RAD51B: variants seen among roughly 807,000 people sequenced by gnomAD.
The protein encoded by RAD51B is RAD51 paralog B, also known as DNA repair protein RAD51 homolog 2.
A neutral mutation model predicts 42.2 loss-of-function variants in RAD51B; 38 were observed. That is an observed-to-expected ratio of 0.90 (90% CI 0.70 to 1.18). The LOEUF is 1.18. RAD51B is among the 50% of genes most tolerant of loss of function. The pLI, the probability that RAD51B is intolerant of heterozygous loss-of-function variation, is 0.00. For synonymous variants in RAD51B, 154 were observed against 145.2 expected (o/e 1.06, Z -0.43); for missense variants, 373 against 400.7 (o/e 0.93, Z 0.59).
At chr14:68,277,602 A>G (rs183167978) in intron 7 of RAD51B, among the ~76,000 whole-genome samples, 3 of 152,228 alleles carry the variant, frequency 2.0e-5, no homozygotes, top group African/African-American at 7.2e-5. Context: ...ATGAAATTTT[A>G]TATTCATATA....
chr14:67,841,262 T>A (rs2041418227), intron 4 of RAD51B, among the ~76,000 whole-genome samples: 1 of 152,242 alleles, frequency 6.6e-6, no homozygotes, highest in African/African-American at 2.4e-5. Flanking sequence ...CTTTACCCAC[T>A]TTTAATGGGG....
intron 9 of RAD51B, among the ~76,000 whole-genome samples, chr14:68,446,389 T>G (rs576849048): frequency 2.0e-5 from 3 of 152,296 alleles, no homozygotes; most frequent in African/African-American, 7.2e-5. Flanking sequence ...CTCTTACCCC[T>G]TCTCTCATAC....
At chr14:68,192,161 A>G (rs544732211) in intron 7 of RAD51B, among the ~76,000 whole-genome samples, 7 of 152,278 alleles carry the variant, frequency 4.6e-5, no homozygotes, top group Admixed American at 1.3e-4. Context: ...AGTGAATATA[A>G]GGAGTTTTGT....
At chr14:67,939,429 T>C (rs771540372) in intron 7 of RAD51B, among the ~76,000 whole-genome samples, 5 of 152,210 alleles carry the variant, frequency 3.3e-5, no homozygotes, top group African/African-American at 1.2e-4. Flanking sequence ...AAATGCTTGA[T>C]TCCTTTTAAG....
At chr14:67,945,675 T>C (rs188461870) in intron 7 of RAD51B, among the ~76,000 whole-genome samples, 8 of 152,230 alleles carry the variant, frequency 5.3e-5, no homozygotes, top group Non-Finnish European at 8.8e-5. Flanking sequence ...TTCGTCATGT[T>C]GGCCAGGCTG....
intron 5 of RAD51B, among the ~76,000 whole-genome samples, chr14:67,870,128 G>T (rs886554517): frequency 4.0e-5 from 6 of 149,304 alleles, no homozygotes; most frequent in Admixed American, 1.3e-4. Flanking sequence ...CCAATTAAAA[G>T]ACACAGACTG....
chr14:68,608,599 G>T (rs1891550129), intron 10 of RAD51B, among the ~76,000 whole-genome samples: 1 of 152,148 alleles, frequency 6.6e-6, no homozygotes, highest in Admixed American at 6.5e-5. Context: ...AGGCTGTAGG[G>T]CCATGGGTCA....
chr14:68,152,045 A>G lies in RAD51B; in HGVS notation c.757-139839A>G, dbSNP rs150327287. Reference sequence around the variant, plus strand: ...TTTTTACTAGAGACGGGGTTTCTCCATTTGGTCAGGCTGGTTTCGAACTCC... The same window carrying G: ...TTTTTACTAGAGACGGGGTTTCTCCGTTTGGTCAGGCTGGTTTCGAACTCC... On this transcript the variant is annotated intron_variant, in intron 7 of 10. Transcript: ENST00000471583. 6.5e-3 allele frequency among the ~76,000 whole-genome samples: 982 copies of G among 151,768 alleles called. 5 individuals are homozygous for G. Among genetic ancestry groups the G allele is most frequent in the Non-Finnish European group, 9.5e-3 (645 of 67,896 alleles).
At chr14:68,527,229 C>A (rs1196347132) in intron 10 of RAD51B, among the ~76,000 whole-genome samples, 2 of 152,206 alleles carry the variant, frequency 1.3e-5, no homozygotes, top group Non-Finnish European at 2.9e-5. Context: ...TTTTTCTTAA[C>A]CTTATCCCCA....
intron 3 of RAD51B, among the ~76,000 whole-genome samples, chr14:67,829,096 T>C (rs1408760928): frequency 6.6e-6 from 1 of 152,220 alleles, no homozygotes; most frequent in Admixed American, 6.5e-5. Flanking sequence ...TTTCATGATA[T>C]TGATTCTTCC....
intron 7 of RAD51B, among the ~76,000 whole-genome samples, chr14:67,946,007 A>G (rs993417270): frequency 6.6e-6 from 1 of 152,166 alleles, no homozygotes; most frequent in Non-Finnish European, 1.5e-5. Flanking sequence ...TGGAAAGATA[A>G]CTGTCTTCTC....
chr14:67,844,975 T>G (rs571618346), intron 4 of RAD51B, among the ~76,000 whole-genome samples: 218 of 152,340 alleles, frequency 1.4e-3, no homozygotes, highest in African/African-American at 5.1e-3. Context: ...CTCTATCCCT[T>G]TATTTTGAGC....
At chr14:67,983,877 G>A (rs2075137394) in intron 7 of RAD51B, among the ~76,000 whole-genome samples, 2 of 151,424 alleles carry the variant, frequency 1.3e-5, no homozygotes, top group African/African-American at 4.8e-5. Context: ...TAAAACCACC[G>A]AGGTCTATAG....
intron 7 of RAD51B, among the ~76,000 whole-genome samples, chr14:68,141,124 A>G (rs1432125039): frequency 6.6e-6 from 1 of 152,188 alleles, no homozygotes; most frequent in Non-Finnish European, 1.5e-5. Flanking sequence ...GTCATTTATT[A>G]AGTCAGACAT....
chr14:68,474,637 G>A (rs934577543), intron 10 of RAD51B, among the ~76,000 whole-genome samples: 2 of 152,152 alleles, frequency 1.3e-5, no homozygotes, highest in African/African-American at 4.8e-5. Context: ...TAGAAAATCC[G>A]AAGTGGGTTT....
intron 7 of RAD51B, among the ~76,000 whole-genome samples, chr14:68,026,639 G>C (rs969862512): frequency 6.6e-6 from 1 of 151,836 alleles, no homozygotes; most frequent in African/African-American, 2.4e-5. Context: ...TTTGAAGTCT[G>C]TTCTGTCTGA....
At chr14:67,875,282 G>A (rs905091087) in intron 5 of RAD51B, among the ~76,000 whole-genome samples, 3 of 152,128 alleles carry the variant, frequency 2.0e-5, no homozygotes, top group African/African-American at 7.2e-5. Context: ...CAAAGGAGAG[G>A]TACTTGTATT....
At chr14:68,407,195 T>G (rs2084300320) in intron 8 of RAD51B, among the ~76,000 whole-genome samples, 1 of 152,176 alleles carries the variant, frequency 6.6e-6, no homozygotes, top group African/African-American at 2.4e-5. Flanking sequence ...CATAAAAGTA[T>G]ATATAGTAAA....
chr14:68,387,831 C>T (rs2083632543), intron 8 of RAD51B, among the ~76,000 whole-genome samples: 1 of 152,020 alleles, frequency 6.6e-6, no homozygotes, highest in Non-Finnish European at 1.5e-5. Context: ...CATGTAGCTA[C>T]TGAGCACATG....
Sources: allele counts gnomAD v4.1 joint callset (sites outside exome capture counted in the v4.1 genomes callset), GRCh38; gene constraint gnomAD v4.1.1; transcripts MANE v1.5; gene names NCBI Gene and HGNC (gene_info 2026-07-23, HGNC 2026-07-21).